The following ZBTB17 variants were observed in gnomAD, a reference collection of about 807,000 sequenced individuals.
ZBTB17 encodes the protein zinc finger and BTB domain-containing protein 17.
ZBTB17 carries 24 observed loss-of-function variants against 85.1 expected under a neutral mutation model. The observed-to-expected ratio is 0.28, with a 90% CI of 0.20 to 0.40. The LOEUF is 0.40. Ranked by LOEUF, ZBTB17 falls within the 10% of genes least tolerant of loss-of-function variation. ZBTB17 has a pLI of 1.00. For missense variants in ZBTB17, 743 were observed against 1,105.1 expected (o/e 0.67, Z 4.65); for synonymous variants, 464 against 460.2 (o/e 1.01, Z -0.11).
rs2071545835 is a variant in ZBTB17 at position 15,945,191 on chromosome 1, C to T, written c.673G>A (p.Glu225Lys). ...SESSEQEMEV[E>K]PARKGEEEQK... ...TCCTCTTCCCCTTTCCGGGCGGGCTCCACCTCCATTTCTGCGGAGAAAAGG... is the reference window on the plus strand; with the variant it reads ...TCCTCTTCCCCTTTCCGGGCGGGCTTCACCTCCATTTCTGCGGAGAAAAGG... The change falls in exon 7 of 16, where the codon GAG (glutamate) becomes AAG (lysine). Residue 225 changes from glutamate (E) to lysine (K), a missense_variant. Physicochemically the swap from Glu to Lys is moderately conservative, Grantham distance 56. Transcript: ENST00000375743. The T allele has an allele frequency of 6.4e-7, 1 of 1,554,154 alleles. No individual in the cohort carries two copies. The highest frequency in any genetic ancestry group is 2.4e-5 in the East Asian group (1 of 41,290).
At chr1:15,974,572 C>CT (rs562752690) in intron 1 of ZBTB17, among the ~76,000 whole-genome samples, 2,315 of 144,804 alleles carry the variant, frequency 0.016, 29 homozygotes, top group South Asian at 0.036. Context: ...CTTGCTGCTG[C>CT]TTTTTTTTTT....
At chr1:15,974,180 G>A (rs2072771953) in intron 1 of ZBTB17, among the ~76,000 whole-genome samples, 2 of 132,748 alleles carry the variant, frequency 1.5e-5, no homozygotes, top group East Asian at 2.1e-4. Context: ...GACAGAGCAA[G>A]ACGTAGTCTC....
In ZBTB17 at chr1:15,942,175, C is replaced by A. The variant is rs1237804001; in HGVS notation, c.2206G>T (p.Val736Leu). 5.0e-6 allele frequency: 8 copies of A among 1,613,636 alleles called. No individual in the cohort carries two copies. In the Admixed American group the frequency reaches 1.2e-4, roughly 24 times the overall value. The change falls in exon 16 of 16, where the codon GTG becomes TTG. Residue 736 changes from valine to leucine, a missense_variant. Transcript: ENST00000375743. ...FLDANSLAQH[V>L]RIHTAQALVM... ...AGTGCCTGGGCTGTGTGGATTCGCACATGCTGAGCCAGGCTGTTGGCATCC... is the reference window on the plus strand; with the variant it reads ...AGTGCCTGGGCTGTGTGGATTCGCAAATGCTGAGCCAGGCTGTTGGCATCC...
chr1:15,970,189 A>C, intron 2 of ZBTB17: 1 of 506,370 alleles, frequency 2.0e-6, no homozygotes, highest in Non-Finnish European at 3.6e-6. Context: ...TGCCAAGTTT[A>C]TTTGCCAAGC....
At chr1:15,961,641 C>A (rs1393454889) in intron 2 of ZBTB17, among the ~76,000 whole-genome samples, 1 of 152,206 alleles carries the variant, frequency 6.6e-6, no homozygotes, top group Admixed American at 6.5e-5. Context: ...CAACAAACAG[C>A]GCTGCTGACC....
intron 3 of ZBTB17, 139 bp downstream of exon 3, chr1:15,948,152 G>T (rs2071690692): frequency 1.0e-6 from 1 of 982,272 alleles, no homozygotes; most frequent in Non-Finnish European, 1.6e-6. Flanking sequence ...GTACTGAATT[G>T]CTCATGGCCT....
intron 5 of ZBTB17, 149 bp from the exon 6 acceptor site, chr1:15,945,989 G>A: frequency 4.5e-6 from 7 of 1,542,024 alleles, no homozygotes; most frequent in Non-Finnish European, 5.3e-6. Context: ...TGTCTGCTCT[G>A]GTTGAAACAG....
rs922489616 is a variant in ZBTB17, at chr1:15,953,785, C to G, written c.-2-5288G>C. Reference sequence around the variant, plus strand: ...CCAGCAAAGCTTCTCCAATGGCCAACAGGGCTAATGGTATGACTTCCTTTG... The same window carrying G: ...CCAGCAAAGCTTCTCCAATGGCCAAGAGGGCTAATGGTATGACTTCCTTTG... On this transcript the variant is annotated intron_variant, in intron 2 of 15. Transcript: ENST00000375743. The surrounding 1 kb of genome is among the most constrained non-coding windows in gnomAD (Gnocchi z 5.1). Among the ~76,000 whole-genome samples, 15 of 152,232 alleles carry G rather than the reference C, an allele frequency of 9.9e-5. No homozygotes were observed. Among genetic ancestry groups the G allele is most frequent in the African/African-American group, 3.6e-4 (15 of 41,450 alleles).
rs1484234105 is a variant in ZBTB17, at chr1:15,965,588, C to T, written c.-3+7451G>A. 3.9e-5 allele frequency among the ~76,000 whole-genome samples: 6 copies of T among 152,252 alleles called. No individual in the cohort carries two copies. In the East Asian group the frequency reaches 1.2e-3, roughly 29 times the overall value. On this transcript the variant is annotated intron_variant, in intron 2 of 15. Coordinates refer to ENST00000375743, the MANE Select transcript of ZBTB17 (RefSeq NM_003443.3). ...TGTGACTCCACTCCCAGCTGCAGTC[C>T]CTGGAGAGGCTGTGCATACATGTCC...
intron 2 of ZBTB17, among the ~76,000 whole-genome samples, chr1:15,955,763 G>A (rs1013705591): frequency 6.6e-6 from 1 of 152,126 alleles, no homozygotes; most frequent in Non-Finnish European, 1.5e-5. Flanking sequence ...AGACCAGCCT[G>A]GGCAACATAG....
At chr1:15,950,727 C>G (rs1418217758) in intron 2 of ZBTB17, among the ~76,000 whole-genome samples, 1 of 152,198 alleles carries the variant, frequency 6.6e-6, no homozygotes, top group African/African-American at 2.4e-5. Context: ...TCAGCTGAAC[C>G]CCCAGAGGTA....
chr1:15,948,842 C>T (rs747084192), intron 2 of ZBTB17, among the ~76,000 whole-genome samples: 11 of 151,116 alleles, frequency 7.3e-5, no homozygotes, highest in Admixed American at 1.3e-4. Context: ...GTCATCATTT[C>T]AAAAATGAAA....
Position 15,947,029 on chromosome 1 carries a change from T to G in ZBTB17, c.300A>C (p.Gln100His), listed in dbSNP as rs776892143. ...GGCAGGCCGTGATGATGTCCTGCATTTGGAGGAAAGTGGCCACGGCCAGCA... is the reference window on the plus strand; with the variant it reads ...GGCAGGCCGTGATGATGTCCTGCATGTGGAGGAAAGTGGCCACGGCCAGCA... Reference protein sequence around the residue: ...DDVLAVATFLQMQDIITACHA... With the variant: ...DDVLAVATFLHMQDIITACHA... The change falls in exon 4 of 16, where the codon CAA (glutamine) becomes CAC (histidine). Residue 100 changes from glutamine (Q) to histidine (H), a missense_variant. Coordinates refer to ENST00000375743, the MANE Select transcript of ZBTB17 (RefSeq NM_003443.3). The G allele has an allele frequency of 3.1e-6, 5 of 1,614,000 alleles. No homozygotes were observed. In the East Asian group the frequency reaches 1.1e-4, roughly 36 times the overall value.
intron 2 of ZBTB17, among the ~76,000 whole-genome samples, chr1:15,967,605 T>A (rs2072491781): frequency 1.3e-5 from 2 of 152,182 alleles, no homozygotes; most frequent in Non-Finnish European, 2.9e-5. Flanking sequence ...TTCTACCTTG[T>A]GCATGCATTC....
At chr1:15,961,488 C>G (rs1184803331) in intron 2 of ZBTB17, among the ~76,000 whole-genome samples, 1 of 152,162 alleles carries the variant, frequency 6.6e-6, no homozygotes. Context: ...GTAAGTTGGG[C>G]CTGGATAATC....
intron 3 of ZBTB17, chr1:15,948,021 C>T: frequency 5.7e-6 from 3 of 529,336 alleles, no homozygotes; most frequent in Non-Finnish European, 1.0e-5. Flanking sequence ...TCTGCCCCTC[C>T]CAATGAGGCC....
At position 15,955,522 on chromosome 1, in the gene ZBTB17, C is replaced by T. The variant is rs571302871; in HGVS notation, c.-2-7025G>A. 3.9e-5 allele frequency among the ~76,000 whole-genome samples: 6 copies of T among 152,288 alleles called. No individual in the cohort carries two copies. In the South Asian group the frequency reaches 1.2e-3, roughly 32 times the overall value. ...TCACTGCTATCTCTACACAGTCCCA[C>T]CAGCCAAGGTTCAGCAGTATTTTCG... On this transcript the variant is annotated intron_variant, in intron 2 of 15. Transcript: ENST00000375743.
chr1:15,968,737 G>A (rs1056930479), intron 2 of ZBTB17, among the ~76,000 whole-genome samples: 3 of 152,156 alleles, frequency 2.0e-5, no homozygotes, highest in African/African-American at 7.2e-5. Flanking sequence ...AACAGAAGGG[G>A]CACAGAGTAG....
At position 15,943,580 on chromosome 1, in the gene ZBTB17, A is replaced by G. The variant is rs778643977; in HGVS notation, c.1576+19T>C. 5 of 1,612,786 alleles carry G rather than the reference A, an allele frequency of 3.1e-6. No homozygotes were observed. The African/African-American group carries it at 6.7e-5, about 22-fold the overall frequency. ...TCTCCGTGCCCTCCCAGTCCTGGGC[A>G]TGGCCGCTCACCACCCACCTGTGTG... On this transcript the variant is annotated intron_variant, in intron 11 of 15. Coordinates refer to ENST00000375743, the MANE Select transcript of ZBTB17 (RefSeq NM_003443.3).
Sources: gnomAD v4.1 joint callset for allele counts (sites outside exome capture counted in the v4.1 genomes callset) on GRCh38, gnomAD v4.1.1 for gene constraint, Gnocchi (gnomAD v3.1) non-coding constraint, MANE v1.5 for transcripts, NCBI Gene and HGNC (gene_info 2026-07-23, HGNC 2026-07-21) for gene names.